HECW1: variants seen among roughly 807,000 people sequenced by gnomAD.
HECW1 encodes HECT, C2 and WW domain containing E3 ubiquitin protein ligase 1.
A neutral mutation model predicts 182.3 loss-of-function variants in HECW1; 61 were observed. That is an observed-to-expected ratio of 0.33 (90% CI 0.27 to 0.41). The LOEUF is 0.41. Among genes scored for constraint, HECW1 ranks in the 10% least tolerant of loss-of-function variants. The probability of loss-of-function intolerance (pLI) is 1.00; values close to 1 mark genes in which losing one functional copy is unlikely to be tolerated. For missense variants in HECW1, 1,739 were observed against 2,108.9 expected (o/e 0.82, Z 3.44); for synonymous variants, 859 against 832.6 (o/e 1.03, Z -0.55).
intron 24 of HECW1, among the ~76,000 whole-genome samples, chr7:43,528,711 T>A (rs909466309): frequency 5.3e-5 from 8 of 152,200 alleles, no homozygotes; most frequent in Non-Finnish European, 1.0e-4. Context: ...TCTGCCCCCC[T>A]GCAGGGCAGA....
chr7:43,203,351 C>T (rs2152690771), intron 2 of HECW1, among the ~76,000 whole-genome samples: 2 of 152,156 alleles, frequency 1.3e-5, no homozygotes, highest in South Asian at 4.2e-4. Context: ...CAGCGAACAT[C>T]CCATATATTA....
intron 2 of HECW1, among the ~76,000 whole-genome samples, chr7:43,223,067 G>T (rs961085742): frequency 3.9e-5 from 6 of 152,116 alleles, no homozygotes; most frequent in African/African-American, 1.4e-4. Context: ...CCTCATCTTA[G>T]TTCGTGGCCA....
intron 5 of HECW1, among the ~76,000 whole-genome samples, chr7:43,332,216 A>C (rs1475344678): frequency 6.6e-6 from 1 of 152,164 alleles, no homozygotes; most frequent in Non-Finnish European, 1.5e-5. Context: ...TAAATAAATA[A>C]AAAGCTTCTC....
At chr7:43,254,760 G>C (rs553493870) in intron 3 of HECW1, among the ~76,000 whole-genome samples, 7 of 151,566 alleles carry the variant, frequency 4.6e-5, no homozygotes, top group Non-Finnish European at 8.8e-5. Context: ...AGCACTGGTC[G>C]TAATGCCCAG....
At chr7:43,287,754 T>C (rs1169954465) in intron 3 of HECW1, among the ~76,000 whole-genome samples, 1 of 152,206 alleles carries the variant, frequency 6.6e-6, no homozygotes, top group African/African-American at 2.4e-5. Context: ...GCTGGGAAGA[T>C]AGCAGTGGGA....
intron 7 of HECW1, among the ~76,000 whole-genome samples, chr7:43,402,176 G>T (rs76872397): frequency 6.6e-6 from 1 of 151,976 alleles, no homozygotes; most frequent in African/African-American, 2.4e-5. Context: ...CTTCCTGGAC[G>T]CCAGACAAGG....
At chr7:43,187,441 T>A (rs1327246176) in intron 2 of HECW1, among the ~76,000 whole-genome samples, 1 of 152,236 alleles carries the variant, frequency 6.6e-6, no homozygotes, top group Non-Finnish European at 1.5e-5. Context: ...TCATTTTTGT[T>A]ATTTTGATTC....
intron 2 of HECW1, chr7:43,161,700 AG>A (rs745446512): frequency 2.3e-5 from 3 of 133,068 alleles, no homozygotes; most frequent in Non-Finnish European, 5.0e-5. Flanking sequence ...ATTATTTTGG[AG>A]GGTGAACTTC....
chr7:43,130,972 A>T (rs1300094057), intron 2 of HECW1, among the ~76,000 whole-genome samples: 1 of 152,160 alleles, frequency 6.6e-6, no homozygotes, highest in African/African-American at 2.4e-5. Flanking sequence ...TTTTATGTAT[A>T]AAATTTTATT....
intron 2 of HECW1, among the ~76,000 whole-genome samples, chr7:43,192,116 C>A (rs1410842907): frequency 6.6e-6 from 1 of 152,122 alleles, no homozygotes; most frequent in Non-Finnish European, 1.5e-5. Context: ...TCTGCCACCA[C>A]ACCCGGCTAA....
rs542828972 is a variant in HECW1 at position 43,495,098 on chromosome 7, TTTTG to T, written c.3437+1930_3437+1933del. Reference sequence around the variant, plus strand: ...CCTGATGTTACCATGGCATTTGTTTTTTTGTTTGTTTGTTTTTAATTTTTTTTAT... The same window carrying T: ...CCTGATGTTACCATGGCATTTGTTTTTTTGTTTGTTTTTAATTTTTTTTAT... On this transcript the variant is annotated intron_variant, in intron 19 of 29. Coordinates refer to ENST00000395891, the MANE Select transcript of HECW1 (RefSeq NM_015052.5). Among the ~76,000 whole-genome samples, 32 of 152,290 alleles carry T rather than the reference TTTTG, an allele frequency of 2.1e-4. No individual in the cohort carries two copies. The South Asian group carries it at 3.3e-3, about 16-fold the overall frequency.
chr7:43,407,484 A>T (rs780362783), intron 7 of HECW1, 78 bp from the exon 8 acceptor site: 11 of 1,072,152 alleles, frequency 1.0e-5, no homozygotes, highest in Non-Finnish European at 1.4e-5. Flanking sequence ...TGGTCCTCTC[A>T]TGAAAGGTGT....
chr7:43,185,026 T>G (rs1793255413), intron 2 of HECW1, among the ~76,000 whole-genome samples: 1 of 151,868 alleles, frequency 6.6e-6, no homozygotes, highest in Middle Eastern at 3.2e-3. Flanking sequence ...CCCCACCCCC[T>G]GCCAGGCCCC....
chr7:43,479,315 T>A (rs930760580), intron 16 of HECW1, among the ~76,000 whole-genome samples: 5 of 152,098 alleles, frequency 3.3e-5, no homozygotes, highest in Admixed American at 6.5e-5. Context: ...ACATGCACGG[T>A]TCACAATGGG....
At chr7:43,342,793 A>T (rs993211096) in intron 5 of HECW1, among the ~76,000 whole-genome samples, 6 of 151,772 alleles carry the variant, frequency 4.0e-5, no homozygotes, top group Non-Finnish European at 8.8e-5. Context: ...TGGGAGGCGC[A>T]GGCAGGCAGA....
chr7:43,280,902 G>T (rs1363897740), intron 3 of HECW1, among the ~76,000 whole-genome samples: 1 of 152,178 alleles, frequency 6.6e-6, no homozygotes, highest in Non-Finnish European at 1.5e-5. Context: ...GAAGTCTCCA[G>T]TTAGAGGAAG....
At position 43,530,517 on chromosome 7, in the gene HECW1, A is replaced by T. The variant is rs558249323; in HGVS notation, c.4020-10646A>T. On this transcript the variant is annotated intron_variant, in intron 24 of 29. Coordinates refer to ENST00000395891, the MANE Select transcript of HECW1 (RefSeq NM_015052.5). Reference sequence around the variant, plus strand: ...TTCCATATCTTTTATGGATGGATGGATGGATGGATGGATGGATGGAAAGAC... The same window carrying T: ...TTCCATATCTTTTATGGATGGATGGTTGGATGGATGGATGGATGGAAAGAC... Among the ~76,000 whole-genome samples, 5 of 148,900 alleles carry T rather than the reference A, an allele frequency of 3.4e-5. No homozygotes were observed. The East Asian group carries it at 7.7e-4, about 23-fold the overall frequency.
At chr7:43,528,173 A>G (rs1386631082) in intron 24 of HECW1, among the ~76,000 whole-genome samples, 1 of 152,346 alleles carries the variant, frequency 6.6e-6, no homozygotes, top group East Asian at 1.9e-4. Flanking sequence ...AATCTCAGTC[A>G]TGAGCATCCA....
At chr7:43,128,616 A>G (rs1786543381) in intron 2 of HECW1, among the ~76,000 whole-genome samples, 1 of 152,254 alleles carries the variant, frequency 6.6e-6, no homozygotes, top group Non-Finnish European at 1.5e-5. Context: ...TCTGCAGCCC[A>G]TGGATCTAGG....
Sources: gnomAD v4.1 joint callset for allele counts (sites outside exome capture counted in the v4.1 genomes callset) on GRCh38, gnomAD v4.1.1 for gene constraint, MANE v1.5 for transcripts, NCBI Gene and HGNC (gene_info 2026-07-23, HGNC 2026-07-21) for gene names.